The following CMSS1 variants were observed in gnomAD, a reference collection of about 807,000 sequenced individuals.
CMSS1 encodes cms1 ribosomal small subunit homolog, also known as protein CMSS1.
In CMSS1, 33 loss-of-function variants were observed where a neutral mutation model predicts 43.5. That is an observed-to-expected ratio of 0.76 (90% CI 0.57 to 1.01). The LOEUF (loss-of-function observed/expected upper bound fraction) is 1.01, where lower values mean the gene tolerates loss of function less well. CMSS1 is among the 50% of genes least tolerant of loss of function. CMSS1 has a pLI of 0.00. For synonymous variants in CMSS1, 115 were observed against 117.2 expected (o/e 0.98, Z 0.12); for missense variants, 313 against 326.4 (o/e 0.96, Z 0.32).
intron 1 of CMSS1, among the ~76,000 whole-genome samples, chr3:100,070,249 G>GCTAACA (rs1470619044): frequency 1.3e-5 from 2 of 152,166 alleles, no homozygotes; most frequent in Non-Finnish European, 2.9e-5. Flanking sequence ...ATTTTGTGGG[G>GCTAACA]AGGTCAGTTG....
chr3:99,890,477 A>G (rs1244210250), intron 1 of CMSS1, among the ~76,000 whole-genome samples: 4 of 152,108 alleles, frequency 2.6e-5, no homozygotes, highest in Non-Finnish European at 5.9e-5. Flanking sequence ...TTAATCTCTT[A>G]TAACCTAGAT....
intron 1 of CMSS1, among the ~76,000 whole-genome samples, chr3:99,962,864 A>G (rs973785355): frequency 6.6e-6 from 1 of 152,218 alleles, no homozygotes; most frequent in Non-Finnish European, 1.5e-5. Context: ...GCCTTAAGAC[A>G]ATGGCTGTAG....
intron 1 of CMSS1, among the ~76,000 whole-genome samples, chr3:100,032,748 A>G (rs901631947): frequency 6.6e-6 from 1 of 152,198 alleles, no homozygotes; most frequent in Non-Finnish European, 1.5e-5. Flanking sequence ...TTTGTAGGTA[A>G]CTCACTTATA....
chr3:100,089,480 A>T (rs1175665850), intron 1 of CMSS1, among the ~76,000 whole-genome samples: 1 of 152,232 alleles, frequency 6.6e-6, no homozygotes, highest in African/African-American at 2.4e-5. Context: ...TAAAGAGTAG[A>T]TGGAGATGAA....
In CMSS1 at chr3:100,138,199, G is replaced by C. The variant is rs143158352; in HGVS notation, c.65-8774G>C. Among the ~76,000 whole-genome samples the C allele has an allele frequency of 4.4e-3, 665 of 152,274 alleles. 16 individuals carry two copies. The highest frequency in any genetic ancestry group is 0.026 in the East Asian group (132 of 5,174). On this transcript the variant is annotated intron_variant, in intron 1 of 9. Coordinates refer to ENST00000421999, the MANE Select transcript of CMSS1 (RefSeq NM_032359.4). Reference sequence around the variant, plus strand: ...CTTATACAAAAATTAACTCAAGATAGATTAATGTCTTAAAAGTAAAACCCA... The same window carrying C: ...CTTATACAAAAATTAACTCAAGATACATTAATGTCTTAAAAGTAAAACCCA...
At chr3:100,020,490 G>A (rs541736546) in intron 1 of CMSS1, among the ~76,000 whole-genome samples, 6 of 152,198 alleles carry the variant, frequency 3.9e-5, no homozygotes, top group African/African-American at 9.6e-5. Flanking sequence ...GGCTCTAATC[G>A]TTTTGAAGGC....
chr3:99,942,174 C>T (rs1242784762), intron 1 of CMSS1, among the ~76,000 whole-genome samples: 2 of 151,430 alleles, frequency 1.3e-5, no homozygotes, highest in African/African-American at 4.9e-5. Flanking sequence ...TGCACTCCAG[C>T]CTGGGTGAGA....
intron 1 of CMSS1, among the ~76,000 whole-genome samples, chr3:100,056,861 G>A (rs772395193): frequency 1.2e-4 from 19 of 152,094 alleles, no homozygotes; most frequent in Non-Finnish European, 1.8e-4. Context: ...AAAATTAGCC[G>A]GGTGTGATGG....
intron 1 of CMSS1, among the ~76,000 whole-genome samples, chr3:100,016,646 G>A (rs1241143294): frequency 6.6e-6 from 1 of 152,192 alleles, no homozygotes; most frequent in Non-Finnish European, 1.5e-5. Flanking sequence ...TAAAATAGGA[G>A]TACACTAGGA....
intron 1 of CMSS1, among the ~76,000 whole-genome samples, chr3:99,999,451 T>G (rs1709780031): frequency 1.3e-5 from 2 of 152,200 alleles, no homozygotes; most frequent in African/African-American, 2.4e-5. Flanking sequence ...TTGCAACAAC[T>G]GCCTAAAATT....
intron 1 of CMSS1, among the ~76,000 whole-genome samples, chr3:100,143,062 T>C (rs993792032): frequency 2.0e-5 from 3 of 152,112 alleles, no homozygotes; most frequent in African/African-American, 7.2e-5. Context: ...AGGAGAAACA[T>C]AGTTTCCCTT....
At chr3:100,098,773 G>T (rs1186299061) in intron 1 of CMSS1, among the ~76,000 whole-genome samples, 2 of 152,082 alleles carry the variant, frequency 1.3e-5, no homozygotes, top group African/African-American at 4.8e-5. Context: ...CCATTAGCAA[G>T]GATCTGTTTT....
chr3:100,021,916 TG>T (rs1423077262), intron 1 of CMSS1, among the ~76,000 whole-genome samples: 3 of 33,600 alleles, frequency 8.9e-5, no homozygotes, highest in East Asian at 1.8e-3. Flanking sequence ...TAGATCCCAT[TG>T]TGTGTGTGTG....
chr3:99,969,212 G>T lies in CMSS1; in HGVS notation c.64+151169G>T, dbSNP rs1280976730. Among the ~76,000 whole-genome samples the T allele has an allele frequency of 2.6e-5, 4 of 152,068 alleles. No homozygotes were observed. The East Asian group carries it at 5.8e-4, about 22-fold the overall frequency. On this transcript the variant is annotated intron_variant, in intron 1 of 9. Transcript: ENST00000421999. ...GACAGGTCCAGGCATATCTAAGAAG[G>T]GGAGGGGAACAATATTGGGATAATG...
chr3:100,066,892 A>G (rs2065674866), intron 1 of CMSS1, among the ~76,000 whole-genome samples: 1 of 152,174 alleles, frequency 6.6e-6, no homozygotes, highest in South Asian at 2.1e-4. Flanking sequence ...TTACTTGACC[A>G]TACCATATTT....
At chr3:100,139,687 C>T (rs962780427) in intron 1 of CMSS1, among the ~76,000 whole-genome samples, 2 of 150,636 alleles carry the variant, frequency 1.3e-5, no homozygotes, top group Non-Finnish European at 3.0e-5. Context: ...ATCCCAGCTA[C>T]CCAGGAGGCT....
intron 1 of CMSS1, among the ~76,000 whole-genome samples, chr3:99,963,619 T>G (rs891236818): frequency 6.6e-6 from 1 of 152,100 alleles, no homozygotes; most frequent in Non-Finnish European, 1.5e-5. Flanking sequence ...CATTTTTTTT[T>G]TCTTTTTTTT....
intron 3 of CMSS1, among the ~76,000 whole-genome samples, chr3:100,161,814 G>A (rs569035772): frequency 3.9e-5 from 6 of 152,162 alleles, no homozygotes; most frequent in Admixed American, 2.0e-4. Context: ...AATCGAGGGT[G>A]TTAAGTCCCC....
chr3:100,057,811 T>C (rs1470839307), intron 1 of CMSS1, among the ~76,000 whole-genome samples: 1 of 152,174 alleles, frequency 6.6e-6, no homozygotes, highest in Non-Finnish European at 1.5e-5. Context: ...ACCCTAGGTT[T>C]TTTTAACAGG....
Sources: allele counts gnomAD v4.1 joint callset (sites outside exome capture counted in the v4.1 genomes callset), GRCh38; gene constraint gnomAD v4.1.1; transcripts MANE v1.5; gene names NCBI Gene and HGNC (gene_info 2026-07-23, HGNC 2026-07-21).